Variants in ADCY7 observed in about 807,000 individuals in gnomAD.
The protein encoded by ADCY7 is adenylate cyclase type 7.
ADCY7 carries 72 observed loss-of-function variants against 120.6 expected under a neutral mutation model. The observed-to-expected ratio is 0.60, with a 90% confidence interval of 0.49 to 0.73. The LOEUF (loss-of-function observed/expected upper bound fraction) is 0.73, where lower values mean the gene tolerates loss of function less well. ADCY7 is among the 30% of genes least tolerant of loss of function. The probability of loss-of-function intolerance (pLI) is 0.00; values close to 1 mark genes in which losing one functional copy is unlikely to be tolerated. For missense variants in ADCY7, 1,227 were observed against 1,486.0 expected, an observed-to-expected ratio of 0.83 and a Z score of 2.87; for synonymous variants, 661 against 628.0, an observed-to-expected ratio of 1.05 and a Z score of -0.78.
At chr16:50,246,576 C>A (rs2032594470) in intron 1 of ADCY7, among the ~76,000 whole-genome samples, 2 of 152,134 alleles carry the variant, frequency 1.3e-5, no homozygotes, top group African/African-American at 4.8e-5. Context: ...GGGGCTGGCT[C>A]GGGGCGGCGG....
chr16:50,288,717 A>T (rs1596893093), intron 2 of ADCY7, among the ~76,000 whole-genome samples: 2 of 152,006 alleles, frequency 1.3e-5, no homozygotes, highest in African/African-American at 4.8e-5. Flanking sequence ...ACCTCAGGTG[A>T]TCCACCTGCT....
chr16:50,302,561 C>G (rs941635708), intron 10 of ADCY7, among the ~76,000 whole-genome samples: 1 of 151,704 alleles, frequency 6.6e-6, no homozygotes, highest in African/African-American at 2.4e-5. Flanking sequence ...ACCTTCCCCC[C>G]ACCCCACCCT....
Position 50,293,702 on chromosome 16 carries a change from G to T in ADCY7, c.836+200G>T, listed in dbSNP as rs573068460. On this transcript the variant is annotated intron_variant, in intron 6 of 25. Coordinates refer to ENST00000673801, the MANE Select transcript of ADCY7 (RefSeq NM_001114.5). ...CACTTGTGGGCAGGATCAGATCAGG[G>T]CTCTTAAATTAGAGAATTTAGATTG... Among the ~76,000 whole-genome samples the T allele has an allele frequency of 8.5e-5, 13 of 152,308 alleles. No homozygotes were observed. In the East Asian group the frequency reaches 2.3e-3, roughly 27 times the overall value.
At chr16:50,311,596 C>A in intron 19 of ADCY7, 97 bp from the exon 20 acceptor site, 2 of 734,220 alleles carry the variant, frequency 2.7e-6, no homozygotes, top group Non-Finnish European at 2.3e-6. Context: ...AATCAATTTT[C>A]CCCTTTCCCC....
intron 19 of ADCY7, 145 bp from the exon 20 acceptor site, chr16:50,311,548 T>A: frequency 8.5e-5 from 45 of 532,510 alleles, no homozygotes; most frequent in Middle Eastern, 3.5e-4. Context: ...CCCTTTATAA[T>A]ACCCCAAAGT....
At chr16:50,296,451 C>T (rs1451218839) in intron 7 of ADCY7, among the ~76,000 whole-genome samples, 1 of 151,838 alleles carries the variant, frequency 6.6e-6, no homozygotes, top group African/African-American at 2.4e-5. Flanking sequence ...GCTCCGCCTC[C>T]CGGGTTCACA....
chr16:50,252,512 G>A (rs2032788866), intron 1 of ADCY7, among the ~76,000 whole-genome samples: 1 of 150,490 alleles, frequency 6.6e-6, no homozygotes, highest in Admixed American at 6.6e-5. Context: ...GCCTGGGTAG[G>A]CATTGTTTGT....
intron 25 of ADCY7, 79 bp downstream of exon 25, chr16:50,315,217 G>A (rs2036739467): frequency 6.3e-7 from 1 of 1,583,610 alleles, no homozygotes; most frequent in African/African-American, 1.3e-5. Context: ...CTTAAGAGCT[G>A]CTGTCTCACC....
At chr16:50,257,244 CA>C (rs1433375963) in intron 1 of ADCY7, among the ~76,000 whole-genome samples, 1 of 144,056 alleles carries the variant, frequency 6.9e-6, no homozygotes, top group African/African-American at 2.6e-5. Context: ...CCACCACCAA[CA>C]AAAAAATCCA....
At position 50,266,573 on chromosome 16, in the gene ADCY7, G is replaced by A; in HGVS notation, c.-376G>A. On this transcript the variant is annotated 5_prime_UTR_variant, in exon 1 of 26. Transcript: ENST00000673801. ...CTCACTCTCATTAGGTAGCGTGGAA[G>A]GAGCCTTCGGATGGGTGAGCCTGGG... The A allele has an allele frequency of 6.4e-6, 1 of 155,120 alleles. No individual in the cohort carries two copies. Among genetic ancestry groups the A allele is most frequent in the South Asian group, 1.6e-4 (1 of 6,364 alleles). 9.6% of individuals were successfully genotyped at this position (155,120 alleles called of 1,614,324 possible).
intron 1 of ADCY7, among the ~76,000 whole-genome samples, chr16:50,246,448 C>G (rs187537857): frequency 6.2e-4 from 95 of 152,156 alleles, no homozygotes; most frequent in Admixed American, 1.4e-3. Context: ...GGCCAGGAGA[C>G]GCTTCCCAGA....
At chr16:50,280,250 G>T (rs1304658590) in intron 1 of ADCY7, among the ~76,000 whole-genome samples, 1 of 151,574 alleles carries the variant, frequency 6.6e-6, no homozygotes, top group African/African-American at 2.4e-5. Context: ...GTTTCTGATG[G>T]TTGTTTTTTA....
chr16:50,305,107 T>G (rs2035973301), intron 12 of ADCY7, 148 bp downstream of exon 12: 13 of 1,027,154 alleles, frequency 1.3e-5, no homozygotes, highest in Non-Finnish European at 1.5e-6. Flanking sequence ...AAAGCATTTC[T>G]AGGAACCAGA....
chr16:50,315,587 G>A lies in ADCY7; in HGVS notation c.*82G>A, dbSNP rs148478397. On this transcript the variant is annotated 3_prime_UTR_variant, in exon 26 of 26. Transcript: ENST00000673801. ...CCCAGGAGAAGACTCTCCGCCCCACGCCAATCCCAAAGGCATGCAGATGGC... is the reference window on the plus strand; with the variant it reads ...CCCAGGAGAAGACTCTCCGCCCCACACCAATCCCAAAGGCATGCAGATGGC... 2.3e-5 allele frequency: 36 copies of A among 1,537,710 alleles called. No homozygotes were observed. The East Asian group carries it at 3.0e-4, about 13-fold the overall frequency.
At position 50,306,638 on chromosome 16, in the gene ADCY7, G is replaced by A. The variant is rs139767396; in HGVS notation, c.1753-412G>A. Among the ~76,000 whole-genome samples the A allele has an allele frequency of 6.7e-3, 1,016 of 152,278 alleles. 13 individuals carry two copies. The highest frequency in any genetic ancestry group is 0.022 in the African/African-American group (924 of 41,552). On this transcript the variant is annotated intron_variant, in intron 14 of 25. Coordinates refer to ENST00000673801, the MANE Select transcript of ADCY7 (RefSeq NM_001114.5). ...CTTGGTTTGAGGTGAGGACAGCCCC[G>A]GAAGCTCAGACTTGGCTCCTGTCCA...
At chr16:50,312,269 T>TG in intron 21 of ADCY7, 78 bp downstream of exon 21, 1 of 1,527,424 alleles carries the variant, frequency 6.5e-7, no homozygotes, top group Admixed American at 1.7e-5. Flanking sequence ...GGTGTGGAGC[T>TG]GGAGTGCATG....
At chr16:50,281,007 C>G (rs1307601212) in intron 1 of ADCY7, among the ~76,000 whole-genome samples, 1 of 152,094 alleles carries the variant, frequency 6.6e-6, no homozygotes, top group East Asian at 1.9e-4. Flanking sequence ...GCTGGGGGCT[C>G]ATGCCGTTGG....
chr16:50,311,810 C>CCG (rs771488472), intron 20 of ADCY7, 24 bp downstream of exon 20: 1 of 1,343,086 alleles, frequency 7.4e-7, no homozygotes, highest in South Asian at 1.3e-5. Flanking sequence ...CCCCCCCCCC[C>CCG]CCCCCAAGCT....
At chr16:50,252,452 G>A (rs5016070) in intron 1 of ADCY7, among the ~76,000 whole-genome samples, 10,995 of 149,050 alleles carry the variant, frequency 0.074, 644 homozygotes, top group African/African-American at 0.15. Flanking sequence ...GGCATTGTTT[G>A]TGTGCCTGGG....
Sources: gnomAD v4.1 joint callset for allele counts (sites outside exome capture counted in the v4.1 genomes callset) on GRCh38, gnomAD v4.1.1 for gene constraint, MANE v1.5 for transcripts, NCBI Gene and HGNC (gene_info 2026-07-23, HGNC 2026-07-21) for gene names.